The following DPP6 variants were observed in gnomAD, a reference collection of about 807,000 sequenced individuals.
The protein encoded by DPP6 is A-type potassium channel modulatory protein DPP6.
DPP6 carries 69 observed loss-of-function variants against 122.6 expected under a neutral mutation model. That is an observed-to-expected ratio of 0.56 (90% confidence interval 0.46 to 0.69). The LOEUF (loss-of-function observed/expected upper bound fraction) is 0.69. DPP6 is among the 30% of genes least tolerant of loss of function. The pLI is 0.00. For missense variants in DPP6, 928 were observed against 1,116.9 expected (o/e 0.83, Z 2.41); for synonymous variants, 418 against 433.1 (o/e 0.97, Z 0.43).
At chr7:153,942,986 T>C (rs1801767483) in intron 1 of DPP6, among the ~76,000 whole-genome samples, 1 of 152,212 alleles carries the variant, frequency 6.6e-6, no homozygotes, top group Admixed American at 6.5e-5. Flanking sequence ...AATGGTCAGC[T>C]GGCCCCAGCG....
rs1286745086 is a variant in DPP6, at chr7:154,877,547, G to A, written c.2078+1447G>A. ...CGACCCAGGCTCTCTCCGTCTCTCC[G>A]CCCAGCCAGCCATGATGGTCTCATC... On this transcript the variant is annotated intron_variant, in intron 20 of 25. Coordinates refer to ENST00000377770, the MANE Select transcript of DPP6 (RefSeq NM_130797.4). The surrounding 1 kb of genome is among the most constrained non-coding windows in gnomAD (Gnocchi z 5.2). 2.0e-5 allele frequency among the ~76,000 whole-genome samples: 3 copies of A among 152,086 alleles called. No homozygotes were observed. Among genetic ancestry groups the A allele is most frequent in the Non-Finnish European group, 2.9e-5 (2 of 68,018 alleles).
the DPP6 span, among the ~76,000 whole-genome samples, chr7:153,766,264 G>T: frequency 6.6e-6 from 1 of 152,172 alleles, no homozygotes; most frequent in Non-Finnish European, 1.5e-5. Flanking sequence ...AGAGAATGAG[G>T]TTCCCGTTGT....
intron 1 of DPP6, among the ~76,000 whole-genome samples, chr7:154,188,897 C>T (rs776200303): frequency 6.6e-6 from 1 of 152,238 alleles, no homozygotes; most frequent in Admixed American, 6.5e-5. Context: ...TTATTCTATC[C>T]TTAAGCATCT....
At chr7:154,261,730 G>T (rs1219288457) in intron 1 of DPP6, among the ~76,000 whole-genome samples, 1 of 151,972 alleles carries the variant, frequency 6.6e-6, no homozygotes, top group East Asian at 1.9e-4. Flanking sequence ...GTGAGCTAAG[G>T]ACATGAATAG....
chr7:154,186,513 C>T (rs1798362500), intron 1 of DPP6, among the ~76,000 whole-genome samples: 1 of 152,250 alleles, frequency 6.6e-6, no homozygotes, highest in Non-Finnish European at 1.5e-5. Context: ...CCAGGGGCCC[C>T]TTGGCATCCT....
At chr7:154,716,592 A>T (rs1431798810) in intron 7 of DPP6, among the ~76,000 whole-genome samples, 1 of 152,146 alleles carries the variant, frequency 6.6e-6, no homozygotes, top group Non-Finnish European at 1.5e-5. Flanking sequence ...CAGCAGGTGC[A>T]TGCCTGATCA....
chr7:153,935,045 ACCAGC>A (rs1459841573), intron 1 of DPP6, among the ~76,000 whole-genome samples: 1 of 152,170 alleles, frequency 6.6e-6, no homozygotes, highest in African/African-American at 2.4e-5. Context: ...GAGCTCAGGG[ACCAGC>A]CCCAGGGATG....
Position 154,483,787 on chromosome 7 carries a change from C to T in DPP6, c.457+8750C>T, listed in dbSNP as rs898874486. Among the ~76,000 whole-genome samples the T allele has an allele frequency of 6.6e-5, 10 of 152,154 alleles. No homozygotes were observed. The highest frequency in any genetic ancestry group is 2.2e-4 in the African/African-American group (9 of 41,438). ...TTGGCTCACTGCAACCTCCACCTCCCGGGTTCAAGCGATTCTCCTGCCTCA... is the reference window on the plus strand; with the variant it reads ...TTGGCTCACTGCAACCTCCACCTCCTGGGTTCAAGCGATTCTCCTGCCTCA... On this transcript the variant is annotated intron_variant, in intron 3 of 25. Transcript: ENST00000377770. The surrounding 1 kb of genome is among the most constrained non-coding windows in gnomAD (Gnocchi z 8.1).
At position 154,807,000 on chromosome 7, in the gene DPP6, C is replaced by T; in HGVS notation, c.1554C>T (p.Asn518=). Residue 518 remains asparagine, a synonymous_variant, in exon 16 of 26, where the codon AAC becomes AAT. Coordinates refer to ENST00000377770, the MANE Select transcript of DPP6 (RefSeq NM_130797.4). ...GCGTCCTTTGCTCTTCCAGTGCCAA[C>T]ACGGTGGGCAACTTCAACAGGCAGT... ...LPRRRQLYSA[N]TVGNFNRQCL... 6.2e-7 allele frequency: 1 copy of T among 1,613,830 alleles called. No homozygotes were observed. The highest frequency in any genetic ancestry group is 8.5e-7 in the Non-Finnish European group (1 of 1,179,808).
At chr7:154,367,925 G>T (rs531831743) in intron 1 of DPP6, among the ~76,000 whole-genome samples, 1 of 152,294 alleles carries the variant, frequency 6.6e-6, no homozygotes, top group East Asian at 1.9e-4. Context: ...TCCTGCCTCA[G>T]CCTCCTGAGT....
intron 1 of DPP6, among the ~76,000 whole-genome samples, chr7:154,012,655 C>T (rs560717661): frequency 2.0e-5 from 3 of 151,910 alleles, no homozygotes; most frequent in Admixed American, 6.6e-5. Flanking sequence ...ATGGGAGTAC[C>T]AAGTATACCT....
the DPP6 span, among the ~76,000 whole-genome samples, chr7:153,873,515 G>A: frequency 1.7e-4 from 26 of 152,080 alleles, no homozygotes; most frequent in African/African-American, 3.1e-4. Context: ...AATTCTAACC[G>A]TTCCATAAAT....
exon 1 of DPP6, chr7:153,887,664 G>C: frequency 6.2e-7 from 1 of 1,613,738 alleles, no homozygotes; most frequent in African/African-American, 1.3e-5. Flanking sequence ...ACCAGAAGTC[G>C]GGTTCGGACT....
intron 1 of DPP6, among the ~76,000 whole-genome samples, chr7:154,306,407 T>C (rs772369114): frequency 3.3e-5 from 5 of 152,244 alleles, no homozygotes; most frequent in Non-Finnish European, 5.9e-5. Flanking sequence ...AAATAGATCC[T>C]GGGAGACACC....
intron 5 of DPP6, among the ~76,000 whole-genome samples, chr7:154,582,022 C>T (rs1832106808): frequency 6.6e-6 from 1 of 152,162 alleles, no homozygotes; most frequent in African/African-American, 2.4e-5. Flanking sequence ...ACCACAGCCT[C>T]CTTTTCCTCA....
chr7:154,552,072 C>T (rs1337665222), intron 4 of DPP6, among the ~76,000 whole-genome samples: 1 of 152,192 alleles, frequency 6.6e-6, no homozygotes. Context: ...GGTGTTGCTG[C>T]TTATGACCAT....
chr7:153,993,375 T>TA (rs1230399624), intron 1 of DPP6, among the ~76,000 whole-genome samples: 2 of 152,264 alleles, frequency 1.3e-5, no homozygotes, highest in East Asian at 3.8e-4. Context: ...GTTTAAATTT[T>TA]ATTTCACCTG....
chr7:153,966,554 CTTTTTTTTTTT>C lies in DPP6; in HGVS notation c.51+78843_51+78853del, dbSNP rs753840054. 4.1e-3 allele frequency among the ~76,000 whole-genome samples: 169 copies of C among 41,318 alleles called. 2 individuals are homozygous for C. Among genetic ancestry groups the C allele is most frequent in the African/African-American group, 0.016 (129 of 7,854 alleles). 27.1% of individuals were successfully genotyped at this position (41,318 alleles called of 152,430 possible). The stretch of plus-strand genomic sequence containing the variant: ...AATTAAACGGTCTGTCCTGTGTTGG[CTTTTTTTTTTT>C]TTTTTTTTTTTTTTTTTTTTTTACT... On this transcript the variant is annotated intron_variant, in intron 1 of 25. Coordinates refer to the DPP6 transcript ENST00000404039.
chr7:154,105,737 C>G (rs887196911), intron 1 of DPP6, among the ~76,000 whole-genome samples: 1 of 152,160 alleles, frequency 6.6e-6, no homozygotes, highest in Non-Finnish European at 1.5e-5. Flanking sequence ...CTGTCTTTGT[C>G]TGCTGCCGTG....
Sources: allele counts gnomAD v4.1 joint callset (sites outside exome capture counted in the v4.1 genomes callset), GRCh38; gene constraint gnomAD v4.1.1; non-coding constraint Gnocchi (gnomAD v3.1); transcripts MANE v1.5; gene names NCBI Gene and HGNC (gene_info 2026-07-23, HGNC 2026-07-21).